The following NEGR1 variants were observed in gnomAD, a reference collection of about 807,000 sequenced individuals.
NEGR1 encodes neuronal growth regulator 1.
Under a neutral mutation model 40.9 loss-of-function variants are expected in NEGR1, and 10 were observed. That is an observed-to-expected ratio of 0.24 (90% CI 0.15 to 0.42). The LOEUF is 0.42. Ranked by LOEUF, NEGR1 falls within the 10% of genes least tolerant of loss-of-function variation. The pLI, the probability that NEGR1 is intolerant of heterozygous loss-of-function variation, is 1.00. For synonymous variants in NEGR1, 185 were observed against 166.8 expected (o/e 1.11, Z -0.84); for missense variants, 352 against 438.9 (o/e 0.80, Z 1.77).
intron 1 of NEGR1, among the ~76,000 whole-genome samples, chr1:72,254,593 T>G (rs2100535323): frequency 6.6e-6 from 1 of 150,936 alleles, no homozygotes; most frequent in South Asian, 2.1e-4. Context: ...TCCCAGCTAC[T>G]CAGGAGGCTG....
At chr1:72,154,636 A>G (rs1056980251) in intron 1 of NEGR1, among the ~76,000 whole-genome samples, 5 of 152,072 alleles carry the variant, frequency 3.3e-5, no homozygotes, top group African/African-American at 1.2e-4. Context: ...TACTTCACTC[A>G]GAATATGAAC....
intron 2 of NEGR1, among the ~76,000 whole-genome samples, chr1:71,797,826 T>G (rs1261448109): frequency 1.3e-5 from 2 of 152,144 alleles, no homozygotes; most frequent in Admixed American, 6.6e-5. Context: ...TTAGGTAGAC[T>G]GCACCATTAA....
At chr1:71,992,514 TTA>T (rs1646463045) in intron 1 of NEGR1, among the ~76,000 whole-genome samples, 1 of 119,834 alleles carries the variant, frequency 8.3e-6, no homozygotes, top group Non-Finnish European at 1.9e-5. Flanking sequence ...GAAATAAATA[TTA>T]GTCATGTAAT....
At chr1:72,277,089 G>A (rs1570216076) in intron 1 of NEGR1, among the ~76,000 whole-genome samples, 1 of 152,118 alleles carries the variant, frequency 6.6e-6, no homozygotes, top group East Asian at 1.9e-4. Flanking sequence ...AAAGAAGGGA[G>A]AAATGCCCTA....
chr1:71,856,545 G>A (rs1659773015), intron 2 of NEGR1, among the ~76,000 whole-genome samples: 1 of 152,080 alleles, frequency 6.6e-6, no homozygotes, highest in South Asian at 2.1e-4. Flanking sequence ...TATGGAAACA[G>A]AGAGGATTTT....
chr1:72,215,924 G>C (rs1199647444), intron 1 of NEGR1, among the ~76,000 whole-genome samples: 1 of 151,874 alleles, frequency 6.6e-6, no homozygotes, highest in Non-Finnish European at 1.5e-5. Context: ...GTTTATTGCA[G>C]CACTGTTGAC....
At chr1:71,497,762 T>TGA (rs1399118334) in intron 6 of NEGR1, among the ~76,000 whole-genome samples, 5 of 151,846 alleles carry the variant, frequency 3.3e-5, no homozygotes, top group African/African-American at 1.2e-4. Flanking sequence ...GAAAAGATGA[T>TGA]GAGATATAGA....
intron 1 of NEGR1, among the ~76,000 whole-genome samples, chr1:72,248,172 G>A (rs1044665369): frequency 6.6e-6 from 1 of 152,072 alleles, no homozygotes; most frequent in Non-Finnish European, 1.5e-5. Flanking sequence ...TGAGATTTGG[G>A]CAGGAACAAA....
At chr1:71,418,619 CTCTA>C (rs1278564286) in intron 6 of NEGR1, among the ~76,000 whole-genome samples, 3 of 152,124 alleles carry the variant, frequency 2.0e-5, no homozygotes, top group Non-Finnish European at 4.4e-5. Flanking sequence ...ATTCTCCCTC[CTCTA>C]TCTGACATAT....
chr1:72,119,277 C>T (rs1649705530), intron 1 of NEGR1, among the ~76,000 whole-genome samples: 1 of 151,826 alleles, frequency 6.6e-6, no homozygotes, highest in Admixed American at 6.6e-5. Context: ...AAGGGCTTTC[C>T]TAATGTCACA....
chr1:72,173,738 C>T (rs903737415), intron 1 of NEGR1, among the ~76,000 whole-genome samples: 4 of 151,996 alleles, frequency 2.6e-5, no homozygotes, highest in African/African-American at 7.2e-5. Flanking sequence ...GTGAGGAGTT[C>T]GAGACAAGCC....
intron 1 of NEGR1, among the ~76,000 whole-genome samples, chr1:72,248,692 G>C (rs1654989135): frequency 6.7e-6 from 1 of 150,252 alleles, no homozygotes; most frequent in South Asian, 2.1e-4. Context: ...TCTGCTTCCT[G>C]GGTTCTCAGC....
At chr1:71,622,817 T>A (rs1434352261) in intron 4 of NEGR1, among the ~76,000 whole-genome samples, 2 of 151,854 alleles carry the variant, frequency 1.3e-5, no homozygotes, top group Non-Finnish European at 2.9e-5. Context: ...TCATGTTTCC[T>A]TCTGCTCTCA....
chr1:71,874,215 A>C (rs1660361639), intron 2 of NEGR1, among the ~76,000 whole-genome samples: 1 of 152,184 alleles, frequency 6.6e-6, no homozygotes, highest in Non-Finnish European at 1.5e-5. Flanking sequence ...TTATTAAGAC[A>C]GCTTTTAGAT....
intron 1 of NEGR1, among the ~76,000 whole-genome samples, chr1:71,941,085 A>C (rs1369877979): frequency 6.6e-6 from 1 of 152,212 alleles, no homozygotes; most frequent in Non-Finnish European, 1.5e-5. Flanking sequence ...GAGTGAAAAT[A>C]ATATTCCTAT....
chr1:71,665,626 T>G (rs983729759), intron 4 of NEGR1, among the ~76,000 whole-genome samples: 1 of 152,154 alleles, frequency 6.6e-6, no homozygotes, highest in Non-Finnish European at 1.5e-5. Flanking sequence ...TTTGTTTCCC[T>G]TACATTGAGC....
chr1:72,193,337 A>G (rs1652887079), intron 1 of NEGR1, among the ~76,000 whole-genome samples: 1 of 151,888 alleles, frequency 6.6e-6, no homozygotes, highest in Non-Finnish European at 1.5e-5. Context: ...TACTAATATA[A>G]TGTGCATAAA....
intron 2 of NEGR1, among the ~76,000 whole-genome samples, chr1:71,824,670 C>A (rs1361201328): frequency 6.6e-6 from 1 of 151,916 alleles, no homozygotes; most frequent in Non-Finnish European, 1.5e-5. Flanking sequence ...CCTTTCTAGT[C>A]AGTCTCTGTT....
chr1:71,953,900 G>A (rs1209658260), intron 1 of NEGR1, among the ~76,000 whole-genome samples: 2 of 151,556 alleles, frequency 1.3e-5, no homozygotes, highest in Non-Finnish European at 2.9e-5. Context: ...TTTGTTTATT[G>A]GTAAATTAAA....
Sources: gnomAD v4.1 joint callset for allele counts (sites outside exome capture counted in the v4.1 genomes callset) on GRCh38, gnomAD v4.1.1 for gene constraint, MANE v1.5 for transcripts, NCBI Gene and HGNC (gene_info 2026-07-23, HGNC 2026-07-21) for gene names.